The following CLASP2 variants were observed in gnomAD, a reference collection of about 807,000 sequenced individuals.
CLASP2 encodes cytoplasmic linker associated protein 2.
In CLASP2, 47 loss-of-function variants were observed where a neutral mutation model predicts 194.4. The ratio of observed to expected loss-of-function variants is 0.24; its 90% CI spans 0.19 to 0.31. The LOEUF (loss-of-function observed/expected upper bound fraction) is 0.31, where lower values mean the gene tolerates loss of function less well. Ranked by LOEUF, CLASP2 falls within the 10% of genes least tolerant of loss-of-function variation. CLASP2 has a pLI of 1.00. For synonymous variants in CLASP2, 619 were observed against 633.5 expected (o/e 0.98, Z 0.34); for missense variants, 1,445 against 1,823.6 (o/e 0.79, Z 3.78).
chr3:33,651,146 G>A (rs1026912355), intron 7 of CLASP2, among the ~76,000 whole-genome samples: 3 of 152,266 alleles, frequency 2.0e-5, no homozygotes, highest in Admixed American at 6.5e-5. Context: ...ACTTTGGGAG[G>A]CCAAGGCAGG....
intron 13 of CLASP2, among the ~76,000 whole-genome samples, chr3:33,609,416 C>G (rs962450553): frequency 2.0e-5 from 3 of 152,192 alleles, no homozygotes; most frequent in Non-Finnish European, 4.4e-5. Flanking sequence ...CATCTTTACA[C>G]TGTTTCCTTA....
At chr3:33,499,817 T>C (rs1317316533) in intron 38 of CLASP2, among the ~76,000 whole-genome samples, 15 of 152,106 alleles carry the variant, frequency 9.9e-5, no homozygotes, top group Admixed American at 9.8e-4. Context: ...GAAATAACAA[T>C]ATAGAATGGT....
chr3:33,602,856 A>C (rs1486046153), intron 18 of CLASP2, 96 bp downstream of exon 18: 3 of 1,230,314 alleles, frequency 2.4e-6, no homozygotes, highest in Non-Finnish European at 3.5e-6. Context: ...ATCCTTAAAT[A>C]ACAAGAATGA....
intron 6 of CLASP2, among the ~76,000 whole-genome samples, chr3:33,673,788 C>G (rs945181025): frequency 6.6e-6 from 1 of 152,102 alleles, no homozygotes; most frequent in African/African-American, 2.4e-5. Flanking sequence ...GCAGGGGTTG[C>G]AATCCTAGTC....
chr3:33,612,909 T>C (rs935448589), intron 12 of CLASP2, among the ~76,000 whole-genome samples: 26 of 150,986 alleles, frequency 1.7e-4, no homozygotes, highest in African/African-American at 6.3e-4. Flanking sequence ...GAGGAGGGAG[T>C]GAAAAGGGGT....
Position 33,576,161 on chromosome 3 carries a change from A to G in CLASP2, c.2454+8T>C. On this transcript the variant is annotated splice_region_variant and intron_variant, in intron 24 of 38. Coordinates refer to ENST00000682230, the MANE Select transcript of CLASP2 (RefSeq NM_001365631.1). ...CATTTATAATGATAAGAAAATGGAGAAGAGTACCAAGGCATCTGCCACCGC... is the reference window on the plus strand; with the variant it reads ...CATTTATAATGATAAGAAAATGGAGGAGAGTACCAAGGCATCTGCCACCGC... 1 of 1,604,418 alleles carries G rather than the reference A, an allele frequency of 6.2e-7. No homozygotes were observed. The highest frequency in any genetic ancestry group is 8.5e-7 in the Non-Finnish European group (1 of 1,171,344).
Position 33,603,103 on chromosome 3 carries a change from G to A in CLASP2, c.1773C>T (p.Ala591=). 3.2e-6 allele frequency: 5 copies of A among 1,583,428 alleles called. No homozygotes were observed. Among genetic ancestry groups the A allele is most frequent in the Non-Finnish European group, 4.3e-6 (5 of 1,162,270 alleles). ...AGRVSAGSSK[A]SSLPGSLQRS... ...GCTGCAGGCTTCCTGGAAGGGAACT[G>A]GCTTTGCTGCTGCCTGCTGATACTA... Residue 591 remains alanine, a synonymous_variant, in exon 18 of 39, where the codon GCC becomes GCT. Transcript: ENST00000682230.
intron 7 of CLASP2, among the ~76,000 whole-genome samples, chr3:33,661,331 T>A (rs143542904): frequency 1.5e-3 from 233 of 152,332 alleles, no homozygotes; most frequent in Middle Eastern, 0.01. Flanking sequence ...TGATCTAATT[T>A]ACATTTTAAG....
chr3:33,717,684 C>G (rs1346282872), intron 1 of CLASP2, 124 bp downstream of exon 1: 3 of 1,068,522 alleles, frequency 2.8e-6, no homozygotes, highest in Non-Finnish European at 4.0e-6. Context: ...CTGTGCTTCC[C>G]AAAGTGTGTT....
At chr3:33,644,643 A>G in intron 8 of CLASP2, 114 bp downstream of exon 8, 2 of 1,114,630 alleles carry the variant, frequency 1.8e-6, no homozygotes, top group Non-Finnish European at 2.6e-6. Flanking sequence ...CAGACTCCAG[A>G]TCTGCAATCG....
intron 1 of CLASP2, among the ~76,000 whole-genome samples, chr3:33,704,241 T>C (rs1376603009): frequency 6.6e-6 from 1 of 152,170 alleles, no homozygotes; most frequent in African/African-American, 2.4e-5. Flanking sequence ...GATAATGATG[T>C]GTGAATGTAG....
intron 32 of CLASP2, among the ~76,000 whole-genome samples, chr3:33,542,850 C>T (rs2058594425): frequency 6.6e-6 from 1 of 152,066 alleles, no homozygotes; most frequent in African/African-American, 2.4e-5. Flanking sequence ...ATTTATACAG[C>T]ATCTCTGAGA....
At chr3:33,530,101 G>A (rs1314610020) in intron 34 of CLASP2, among the ~76,000 whole-genome samples, 3 of 150,924 alleles carry the variant, frequency 2.0e-5, no homozygotes, top group South Asian at 4.2e-4. Flanking sequence ...ACCCGAATGA[G>A]GCTGTTTTAC....
chr3:33,653,259 T>G (rs1288301790), intron 7 of CLASP2, among the ~76,000 whole-genome samples: 1 of 152,108 alleles, frequency 6.6e-6, no homozygotes, highest in Non-Finnish European at 1.5e-5. Context: ...CTCTAATAAA[T>G]TAGACTTGAT....
At chr3:33,560,449 A>T (rs928609663) in intron 28 of CLASP2, among the ~76,000 whole-genome samples, 3 of 151,770 alleles carry the variant, frequency 2.0e-5, no homozygotes, top group Admixed American at 2.0e-4. Context: ...CACCATGTTG[A>T]CCAGGCTGGT....
chr3:33,529,707 C>T (rs1028404220), intron 34 of CLASP2, among the ~76,000 whole-genome samples: 2 of 152,158 alleles, frequency 1.3e-5, no homozygotes, highest in African/African-American at 4.8e-5. Context: ...TTCGGCCGGG[C>T]GCGGTGGCTC....
chr3:33,671,554 C>T (rs1339939277), intron 6 of CLASP2, among the ~76,000 whole-genome samples: 3 of 152,138 alleles, frequency 2.0e-5, no homozygotes, highest in Admixed American at 6.5e-5. Flanking sequence ...TCTGAGGTAC[C>T]AGGTTCATCT....
chr3:33,717,787 A>C, intron 1 of CLASP2, 21 bp downstream of exon 1: 1 of 1,549,564 alleles, frequency 6.5e-7, no homozygotes, highest in Non-Finnish European at 8.7e-7. Context: ...TGACCAGCCC[A>C]GCCTCGCCGC....
chr3:33,716,047 CAAG>C (rs2093282505), intron 1 of CLASP2, among the ~76,000 whole-genome samples: 1 of 151,940 alleles, frequency 6.6e-6, no homozygotes, highest in Non-Finnish European at 1.5e-5. Flanking sequence ...CTTGAGTAAG[CAAG>C]AAGGCATGGA....
Sources: gnomAD v4.1 joint callset for allele counts (sites outside exome capture counted in the v4.1 genomes callset) on GRCh38, gnomAD v4.1.1 for gene constraint, MANE v1.5 for transcripts, NCBI Gene and HGNC (gene_info 2026-07-23, HGNC 2026-07-21) for gene names.